The following ZFHX3 variants were observed in gnomAD, a reference collection of about 807,000 sequenced individuals.
ZFHX3 encodes the protein zinc finger homeobox 3, also known as zinc finger homeobox protein 3.
ZFHX3 carries 42 observed loss-of-function variants against 279.1 expected under a neutral mutation model. The ratio of observed to expected loss-of-function variants is 0.15; its 90% CI spans 0.12 to 0.19. The LOEUF (loss-of-function observed/expected upper bound fraction) is 0.19. Ranked by LOEUF, ZFHX3 falls within the 10% of genes least tolerant of loss-of-function variation. ZFHX3 has a pLI of 1.00. For missense variants in ZFHX3, 4,981 were observed against 4,754.0 expected, an observed-to-expected ratio of 1.05 and a Z score of -1.40; for synonymous variants, 2,293 against 1,957.8, an observed-to-expected ratio of 1.17 and a Z score of -4.52.
At chr16:72,909,508 C>T (rs2039265028) in intron 3 of ZFHX3, among the ~76,000 whole-genome samples, 1 of 151,386 alleles carries the variant, frequency 6.6e-6, no homozygotes. Context: ...GGAACATATA[C>T]ATTATCTTTC....
At chr16:73,840,319 A>G (rs542560868) in intron 1 of ZFHX3, among the ~76,000 whole-genome samples, 1 of 152,242 alleles carries the variant, frequency 6.6e-6, no homozygotes, top group Admixed American at 6.5e-5. Context: ...CAGTCCCAAA[A>G]GCCCCCACCA....
intron 1 of ZFHX3, among the ~76,000 whole-genome samples, chr16:73,793,762 T>C (rs1959904884): frequency 6.6e-6 from 1 of 151,596 alleles, no homozygotes; most frequent in African/African-American, 2.4e-5. Flanking sequence ...GGAGGAGGAG[T>C]CCCGACAATT....
intron 3 of ZFHX3, among the ~76,000 whole-genome samples, chr16:73,441,768 G>C (rs9924032): frequency 0.12 from 17,756 of 152,012 alleles, 3,444 homozygotes; most frequent in African/African-American, 0.4. Context: ...TTTTCATCAA[G>C]TTACTTACCC....
chr16:73,751,523 GTTTA>G (rs2053762108), intron 1 of ZFHX3, among the ~76,000 whole-genome samples: 1 of 102,014 alleles, frequency 9.8e-6, no homozygotes, highest in Middle Eastern at 5.1e-3. Context: ...GTGTATATGT[GTTTA>G]TGTGTGTGTG....
intron 9 of ZFHX3, chr16:72,791,207 G>A (rs577250198): frequency 9.9e-5 from 15 of 152,256 alleles, no homozygotes; most frequent in Non-Finnish European, 2.1e-4. Context: ...ATGGTTATGA[G>A]GATTAAATGA....
chr16:73,310,125 T>A (rs2143161599), intron 4 of ZFHX3, among the ~76,000 whole-genome samples: 1 of 152,118 alleles, frequency 6.6e-6, no homozygotes, highest in African/African-American at 2.4e-5. Flanking sequence ...GCCACACTGG[T>A]CTCGAACACC....
rs1185003849 is a variant in ZFHX3 at position 72,787,280 on chromosome 16, T to C, written c.10996A>G (p.Thr3666Ala). The change falls in exon 10 of 10, where the codon ACG (threonine) becomes GCG (alanine). Residue 3666 changes from threonine to alanine, a missense_variant. Coordinates refer to ENST00000268489, the MANE Select transcript of ZFHX3 (RefSeq NM_006885.4). ...CCGTCGGACTTTTGGCTGAGATCCGTGTCAGACTCCTCCGAATAGTCGTCT... is the reference window on the plus strand; with the variant it reads ...CCGTCGGACTTTTGGCTGAGATCCGCGTCAGACTCCTCCGAATAGTCGTCT... ...PTDDYSEESD[T>A]DLSQKSDGPA... is the part of the protein sequence containing the mutation. 4 of 1,613,986 alleles carry C rather than the reference T, an allele frequency of 2.5e-6. No individual in the cohort carries two copies. The highest frequency in any genetic ancestry group is 3.4e-6 in the Non-Finnish European group (4 of 1,180,008).
At chr16:73,394,131 T>C (rs550701392) in intron 3 of ZFHX3, among the ~76,000 whole-genome samples, 2 of 151,092 alleles carry the variant, frequency 1.3e-5, no homozygotes, top group African/African-American at 4.8e-5. Flanking sequence ...TTTATTAGGA[T>C]TAAGACCAGA....
At chr16:72,942,706 G>C (rs1458098332) in intron 3 of ZFHX3, among the ~76,000 whole-genome samples, 1 of 152,158 alleles carries the variant, frequency 6.6e-6, no homozygotes, top group East Asian at 1.9e-4. Flanking sequence ...CTTCAGGAAA[G>C]GGAATTTCCA....
At chr16:73,783,404 C>G (rs1360817810) in intron 1 of ZFHX3, among the ~76,000 whole-genome samples, 1 of 152,190 alleles carries the variant, frequency 6.6e-6, no homozygotes, top group East Asian at 1.9e-4. Flanking sequence ...CCAAAACCTC[C>G]TTTACACAAG....
Position 72,959,735 on chromosome 16 carries a change from C to G in ZFHX3, c.411G>C (p.Pro137=), listed in dbSNP as rs137934602. ...ENLAGEIVYQ[P]DGSAYIVESL... is the part of the protein sequence containing the mutation. ...TCTCCACAATGTACGCGGAGCCGTCCGGCTGGTAGACGATCTCCCCGGCCA... is the reference window on the plus strand; with the variant it reads ...TCTCCACAATGTACGCGGAGCCGTCGGGCTGGTAGACGATCTCCCCGGCCA... The change falls in exon 2 of 10, where the codon CCG becomes CCC. Residue 137 remains proline (P), a synonymous_variant. Coordinates refer to ENST00000268489, the MANE Select transcript of ZFHX3 (RefSeq NM_006885.4). 1.7e-5 allele frequency: 27 copies of G among 1,612,522 alleles called. No individual in the cohort carries two copies. Among genetic ancestry groups the G allele is most frequent in the Non-Finnish European group, 2.3e-5 (27 of 1,179,104 alleles).
At chr16:72,935,754 T>C (rs1246882080) in intron 3 of ZFHX3, among the ~76,000 whole-genome samples, 1 of 150,176 alleles carries the variant, frequency 6.7e-6, no homozygotes, top group Non-Finnish European at 1.5e-5. Context: ...AAAAAATCCA[T>C]CTTTTGCCAT....
At chr16:73,813,816 G>A (rs1271177975) in intron 1 of ZFHX3, 2 of 152,256 alleles carry the variant, frequency 1.3e-5, no homozygotes, top group Non-Finnish European at 2.9e-5. Flanking sequence ...CGGAGACACA[G>A]ATCATGGCTA....
intron 2 of ZFHX3, among the ~76,000 whole-genome samples, chr16:73,636,296 C>T (rs1310530205): frequency 6.6e-6 from 1 of 152,106 alleles, no homozygotes; most frequent in Non-Finnish European, 1.5e-5. Flanking sequence ...TTATCAGAAA[C>T]TGACAAATAA....
intron 4 of ZFHX3, among the ~76,000 whole-genome samples, chr16:72,842,557 G>A (rs925087504): frequency 2.0e-5 from 3 of 152,178 alleles, no homozygotes; most frequent in Admixed American, 1.3e-4. Context: ...CAACACTGAA[G>A]ATAAGACCGT....
At chr16:73,710,770 A>G (rs2053353929) in intron 1 of ZFHX3, among the ~76,000 whole-genome samples, 1 of 150,426 alleles carries the variant, frequency 6.6e-6, no homozygotes, top group Admixed American at 6.6e-5. Flanking sequence ...TTCCCCCTCG[A>G]CCCCCGGCCT....
chr16:73,688,106 C>A (rs959839941), intron 1 of ZFHX3, among the ~76,000 whole-genome samples: 1 of 151,966 alleles, frequency 6.6e-6, no homozygotes, highest in Admixed American at 6.6e-5. Flanking sequence ...CCTGTAATCC[C>A]AGCACTTTGG....
At chr16:72,859,311 G>A (rs1302472738) in intron 4 of ZFHX3, among the ~76,000 whole-genome samples, 1 of 152,186 alleles carries the variant, frequency 6.6e-6, no homozygotes, top group East Asian at 1.9e-4. Flanking sequence ...TCCAAAAGGC[G>A]AGAAAGTTCT....
intron 5 of ZFHX3, among the ~76,000 whole-genome samples, chr16:72,825,109 G>A (rs1384320211): frequency 6.6e-6 from 1 of 152,248 alleles, no homozygotes; most frequent in African/African-American, 2.4e-5. Flanking sequence ...GTTTCACAGA[G>A]GAGGTACCTG....
Sources: allele counts gnomAD v4.1 joint callset (sites outside exome capture counted in the v4.1 genomes callset), GRCh38; gene constraint gnomAD v4.1.1; transcripts MANE v1.5; gene names NCBI Gene and HGNC (gene_info 2026-07-23, HGNC 2026-07-21).